SIPA1L3: variants seen among roughly 807,000 people sequenced by gnomAD.
The protein encoded by SIPA1L3 is signal induced proliferation associated 1 like 3, also known as signal-induced proliferation-associated 1-like protein 3.
A neutral mutation model predicts 150.1 loss-of-function variants in SIPA1L3; 59 were observed. That is an observed-to-expected ratio of 0.39 (90% CI 0.32 to 0.49). The LOEUF (loss-of-function observed/expected upper bound fraction) is 0.49. SIPA1L3 is among the 20% of genes least tolerant of loss of function. The probability of loss-of-function intolerance (pLI) is 0.86; values close to 1 mark genes in which losing one functional copy is unlikely to be tolerated. For synonymous variants in SIPA1L3, 1,070 were observed against 1,077.6 expected (o/e 0.99, Z 0.14); for missense variants, 2,211 against 2,489.5 (o/e 0.89, Z 2.38).
chr19:37,920,468 C>T (rs2046449318), intron 1 of SIPA1L3, among the ~76,000 whole-genome samples: 1 of 152,068 alleles, frequency 6.6e-6, no homozygotes, highest in Admixed American at 6.6e-5. Flanking sequence ...TGCAGGGGCT[C>T]AAGTGTGCAT....
intron 2 of SIPA1L3, among the ~76,000 whole-genome samples, chr19:38,075,852 A>G (rs562225985): frequency 2.0e-5 from 3 of 149,232 alleles, no homozygotes; most frequent in African/African-American, 4.9e-5. Context: ...TTTAAAAAAT[A>G]AAATGTTAAG....
At chr19:38,186,908 G>A (rs562565602) in intron 16 of SIPA1L3, among the ~76,000 whole-genome samples, 1 of 150,898 alleles carries the variant, frequency 6.6e-6, no homozygotes, top group African/African-American at 2.4e-5. Context: ...TCGGGAGGCT[G>A]AGGCAGGAGA....
At chr19:37,961,096 T>G (rs2046854626) in intron 1 of SIPA1L3, among the ~76,000 whole-genome samples, 1 of 151,928 alleles carries the variant, frequency 6.6e-6, no homozygotes, top group African/African-American at 2.4e-5. Flanking sequence ...CTTGAACTCC[T>G]GGCCTCAAGT....
intron 1 of SIPA1L3, among the ~76,000 whole-genome samples, chr19:37,913,555 C>T (rs1283946098): frequency 6.6e-6 from 1 of 152,084 alleles, no homozygotes; most frequent in Non-Finnish European, 1.5e-5. Context: ...GCCACTATGC[C>T]CTGCTGATTT....
intron 15 of SIPA1L3, among the ~76,000 whole-genome samples, chr19:38,172,845 C>T (rs1048703859): frequency 3.9e-5 from 6 of 152,148 alleles, no homozygotes; most frequent in African/African-American, 1.4e-4. Context: ...CGTAGTGGCT[C>T]ACACCTGTAA....
intron 1 of SIPA1L3, among the ~76,000 whole-genome samples, chr19:37,966,111 G>GT (rs935052491): frequency 6.6e-6 from 1 of 152,152 alleles, no homozygotes; most frequent in Non-Finnish European, 1.5e-5. Flanking sequence ...ATCCACCGCT[G>GT]TTTTTTTCTG....
intron 1 of SIPA1L3, among the ~76,000 whole-genome samples, chr19:37,911,788 C>T (rs1005866445): frequency 5.3e-5 from 8 of 152,082 alleles, no homozygotes; most frequent in Admixed American, 1.3e-4. Context: ...CGTGAGCCAC[C>T]GCGCCTGGCC....
chr19:38,150,415 T>A (rs1027335152), intron 12 of SIPA1L3, among the ~76,000 whole-genome samples: 5 of 152,100 alleles, frequency 3.3e-5, no homozygotes, highest in African/African-American at 7.2e-5. Context: ...AGTCAGTTAC[T>A]TCCTCTTTGG....
At chr19:38,128,205 C>T (rs1380960611) in intron 9 of SIPA1L3, among the ~76,000 whole-genome samples, 1 of 151,978 alleles carries the variant, frequency 6.6e-6, no homozygotes, top group African/African-American at 2.4e-5. Context: ...CAGGCGTATA[C>T]CACCACGTCA....
intron 1 of SIPA1L3, among the ~76,000 whole-genome samples, chr19:37,996,932 G>A (rs1022194773): frequency 2.6e-5 from 4 of 151,772 alleles, no homozygotes; most frequent in Admixed American, 2.6e-4. Context: ...CCTGACCTCA[G>A]GTGATCCACC....
At position 38,081,949 on chromosome 19, in the gene SIPA1L3, C is replaced by T; in HGVS notation, c.384C>T (p.Ser128=). The T allele has an allele frequency of 6.2e-7, 1 of 1,614,142 alleles. No individual in the cohort carries two copies. The highest frequency in any genetic ancestry group is 1.7e-5 in the Admixed American group (1 of 60,030). ...TACAGAACGGACAGCCCCCCACCAG[C>T]ACCCCGGCTTCCTCAGGGTCCAAAG... The part of the protein sequence containing the change: ...RSIQNGQPPT[S]TPASSGSKAF... The change falls in exon 3 of 22, where the codon AGC becomes AGT. Residue 128 remains serine, a synonymous_variant. Coordinates refer to ENST00000222345, the MANE Select transcript of SIPA1L3 (RefSeq NM_015073.3).
chr19:37,952,388 C>A (rs558909801), intron 1 of SIPA1L3, among the ~76,000 whole-genome samples: 2 of 152,210 alleles, frequency 1.3e-5, no homozygotes, highest in South Asian at 2.1e-4. Context: ...TTAAAAAATT[C>A]TCTGCCAGGC....
chr19:37,976,536 G>T (rs1967081818), intron 1 of SIPA1L3, among the ~76,000 whole-genome samples: 1 of 152,086 alleles, frequency 6.6e-6, no homozygotes, highest in African/African-American at 2.4e-5. Flanking sequence ...GGGTCGAGCA[G>T]CTCTGGGGTG....
At chr19:38,085,182 G>A (rs1348834430) in intron 3 of SIPA1L3, among the ~76,000 whole-genome samples, 1 of 151,816 alleles carries the variant, frequency 6.6e-6, no homozygotes, top group African/African-American at 2.4e-5. Flanking sequence ...AAAAGAAAGG[G>A]ATAAAAAAGA....
intron 9 of SIPA1L3, among the ~76,000 whole-genome samples, chr19:38,125,538 C>T (rs1971152444): frequency 6.6e-6 from 1 of 152,112 alleles, no homozygotes; most frequent in Non-Finnish European, 1.5e-5. Context: ...GCCATACCCC[C>T]ACCCCCACCC....
At chr19:38,126,098 C>T (rs1031085131) in intron 9 of SIPA1L3, among the ~76,000 whole-genome samples, 9 of 152,132 alleles carry the variant, frequency 5.9e-5, no homozygotes, top group South Asian at 4.2e-4. Context: ...GGCGTGAACC[C>T]GGGAGGCGGA....
At chr19:38,159,954 TATCTA>T (rs1600150650) in intron 13 of SIPA1L3, among the ~76,000 whole-genome samples, 1 of 152,228 alleles carries the variant, frequency 6.6e-6, no homozygotes, top group East Asian at 1.9e-4. Flanking sequence ...CCATAGATAA[TATCTA>T]AATGCCCTCC....
intron 1 of SIPA1L3, among the ~76,000 whole-genome samples, chr19:37,969,720 T>G (rs2046936957): frequency 1.3e-5 from 2 of 152,188 alleles, no homozygotes; most frequent in South Asian, 4.1e-4. Flanking sequence ...GTGTGTGCCC[T>G]TCCCTATGCC....
At chr19:37,923,210 G>T (rs1175154201) in intron 1 of SIPA1L3, among the ~76,000 whole-genome samples, 1 of 152,146 alleles carries the variant, frequency 6.6e-6, no homozygotes, top group Admixed American at 6.6e-5. Flanking sequence ...AATTAAACAG[G>T]CAAAGGGCCT....
Sources: gnomAD v4.1 joint callset for allele counts (sites outside exome capture counted in the v4.1 genomes callset) on GRCh38, gnomAD v4.1.1 for gene constraint, MANE v1.5 for transcripts, NCBI Gene and HGNC (gene_info 2026-07-23, HGNC 2026-07-21) for gene names.